The following UBE3B variants were observed in gnomAD, a reference collection of about 807,000 sequenced individuals.
UBE3B encodes ubiquitin protein ligase E3B.
A neutral mutation model predicts 132.3 loss-of-function variants in UBE3B; 80 were observed. That is an observed-to-expected ratio of 0.60 (90% confidence interval 0.50 to 0.73). The LOEUF is 0.73. UBE3B is among the 30% of genes least tolerant of loss of function. The pLI is 0.00. For synonymous variants in UBE3B, 487 were observed against 520.4 expected (o/e 0.94, Z 0.87); for missense variants, 1,196 against 1,362.5 (o/e 0.88, Z 1.92).
At chr12:109,515,793 G>A (rs1382435919) in intron 18 of UBE3B, among the ~76,000 whole-genome samples, 4 of 152,212 alleles carry the variant, frequency 2.6e-5, no homozygotes, top group Non-Finnish European at 4.4e-5. Context: ...GTATTAGGGT[G>A]CTGATTCTTG....
At chr12:109,506,696 G>A (rs1430740114) in intron 14 of UBE3B, among the ~76,000 whole-genome samples, 2 of 152,228 alleles carry the variant, frequency 1.3e-5, no homozygotes, top group Non-Finnish European at 2.9e-5. Context: ...CTTTTGTGCT[G>A]TAGTGGTAGC....
At chr12:109,501,336 A>G (rs1191364997) in intron 12 of UBE3B, 35 bp from the exon 13 acceptor site, 2 of 1,611,914 alleles carry the variant, frequency 1.2e-6, no homozygotes, top group Non-Finnish European at 1.7e-6. Context: ...CATCAGATGG[A>G]ACTGACAGAC....
At chr12:109,531,994 T>G (rs1882983799) in intron 26 of UBE3B, among the ~76,000 whole-genome samples, 1 of 151,844 alleles carries the variant, frequency 6.6e-6, no homozygotes, top group Non-Finnish European at 1.5e-5. Flanking sequence ...GCAGAAGAAA[T>G]GTAACCCTTG....
At chr12:109,544,385 G>T in the UBE3B span, among the ~76,000 whole-genome samples, 1 of 133,308 alleles carries the variant, frequency 7.5e-6, no homozygotes. Context: ...AGTGGGGCGG[G>T]GGGCGGGGCT....
intron 13 of UBE3B, among the ~76,000 whole-genome samples, chr12:109,502,491 G>A (rs1441640887): frequency 6.6e-6 from 1 of 152,208 alleles, no homozygotes; most frequent in African/African-American, 2.4e-5. Context: ...CTTCTACTGA[G>A]TGTGTTGCAA....
At chr12:109,531,083 T>TCTACACTC (rs2136131011) in intron 26 of UBE3B, among the ~76,000 whole-genome samples, 1 of 152,320 alleles carries the variant, frequency 6.6e-6, no homozygotes, top group South Asian at 2.1e-4. Flanking sequence ...TTGTCAACTC[T>TCTACACTC]CTACACTCCT....
rs1257962479 is a variant in UBE3B, at chr12:109,530,593, A to C, written c.2857A>C (p.Ile953Leu). ...YGGFHGSHRV[I>L]IWLWDILASD... ...TGGTTTCCATGGAAGTCACAGAGTC[A>C]TCATCTGGCTCTGGGATATTCTGGC... The change falls in exon 26 of 28, where the codon ATC becomes CTC. Residue 953 changes from isoleucine (I) to leucine (L), a missense_variant. Coordinates refer to ENST00000342494, the MANE Select transcript of UBE3B (RefSeq NM_130466.4). The C allele has an allele frequency of 6.2e-7, 1 of 1,614,226 alleles. No homozygotes were observed. The highest frequency in any genetic ancestry group is 8.5e-7 in the Non-Finnish European group (1 of 1,180,028).
intron 18 of UBE3B, among the ~76,000 whole-genome samples, chr12:109,513,584 GAA>G (rs926712334): frequency 2.0e-5 from 3 of 152,178 alleles, no homozygotes; most frequent in African/African-American, 7.2e-5. Context: ...GGAGTACCAT[GAA>G]AAAAGTTACT....
chr12:109,516,942 C>G, intron 19 of UBE3B, 58 bp downstream of exon 19: 1 of 1,588,600 alleles, frequency 6.3e-7, no homozygotes. Context: ...AACATGGAAG[C>G]TCTTTAGTGG....
At position 109,510,477 on chromosome 12, in the gene UBE3B, G is replaced by A; in HGVS notation, c.1856+19G>A. The A allele has an allele frequency of 6.3e-7, 1 of 1,595,780 alleles. No homozygotes were observed. The highest frequency in any genetic ancestry group is 8.5e-7 in the Non-Finnish European group (1 of 1,169,902). ...TGCGAAAGTGAGCTCCAGGGGTGAG[G>A]AGGGCTCCATGGAAGCCAGCCTGCT... On this transcript the variant is annotated intron_variant, in intron 17 of 27. Coordinates refer to ENST00000342494, the MANE Select transcript of UBE3B (RefSeq NM_130466.4).
At chr12:109,524,772 T>A (rs1006214188) in intron 23 of UBE3B, among the ~76,000 whole-genome samples, 1 of 152,050 alleles carries the variant, frequency 6.6e-6, no homozygotes, top group Non-Finnish European at 1.5e-5. Context: ...GTAACATGGC[T>A]TTTCGTTACC....
chr12:109,495,549 G>C (rs1452176062), intron 9 of UBE3B, among the ~76,000 whole-genome samples: 1 of 152,184 alleles, frequency 6.6e-6, no homozygotes, highest in East Asian at 1.9e-4. Flanking sequence ...CACACACACA[G>C]AAATATAGAG....
chr12:109,518,239 C>A (rs1379838316), intron 19 of UBE3B, among the ~76,000 whole-genome samples: 1 of 152,168 alleles, frequency 6.6e-6, no homozygotes, highest in Non-Finnish European at 1.5e-5. Context: ...AACTGACACC[C>A]AGCCTCAGTG....
intron 12 of UBE3B, among the ~76,000 whole-genome samples, chr12:109,500,237 A>G (rs1878788932): frequency 6.6e-6 from 1 of 152,250 alleles, no homozygotes; most frequent in Non-Finnish European, 1.5e-5. Context: ...GAGGTGGAAT[A>G]TAAATTTTTA....
intron 6 of UBE3B, among the ~76,000 whole-genome samples, chr12:109,486,898 G>A (rs1432134478): frequency 3.3e-5 from 5 of 152,130 alleles, no homozygotes; most frequent in African/African-American, 4.8e-5. Flanking sequence ...TACAGAAGCC[G>A]AACGTGAGCA....
At chr12:109,479,889 C>G (rs538224549) in intron 1 of UBE3B, among the ~76,000 whole-genome samples, 61 of 152,224 alleles carry the variant, frequency 4.0e-4, no homozygotes, top group African/African-American at 1.4e-3. Context: ...GAAGAGGCTC[C>G]CTCTTCCCCT....
At chr12:109,528,861 GAAAAGA>G (rs1261028189) in intron 24 of UBE3B, among the ~76,000 whole-genome samples, 1 of 102,830 alleles carries the variant, frequency 9.7e-6, no homozygotes, top group Non-Finnish European at 2.2e-5. Context: ...AAAAAAAAAA[GAAAAGA>G]AAAAGAAAAG....
At chr12:109,480,985 A>T (rs2135738027) in intron 1 of UBE3B, among the ~76,000 whole-genome samples, 1 of 152,140 alleles carries the variant, frequency 6.6e-6, no homozygotes, top group South Asian at 2.1e-4. Flanking sequence ...TTCCATTATC[A>T]TTAAAAATGT....
At chr12:109,488,332 T>G (rs1459020779) in intron 6 of UBE3B, among the ~76,000 whole-genome samples, 2 of 152,218 alleles carry the variant, frequency 1.3e-5, no homozygotes, top group African/African-American at 4.8e-5. Context: ...GGATTCTCAA[T>G]TCTCCATTCC....
Sources: allele counts gnomAD v4.1 joint callset (sites outside exome capture counted in the v4.1 genomes callset), GRCh38; gene constraint gnomAD v4.1.1; transcripts MANE v1.5; gene names NCBI Gene and HGNC (gene_info 2026-07-23, HGNC 2026-07-21).